Variants in ERCC2 observed in about 807,000 individuals in gnomAD.
The protein encoded by ERCC2 is general transcription and DNA repair factor IIH helicase subunit XPD.
In ERCC2, 90 loss-of-function variants were observed where a neutral mutation model predicts 99.4. The observed-to-expected ratio is 0.91, with a 90% CI of 0.76 to 1.08. The LOEUF (loss-of-function observed/expected upper bound fraction) is 1.08. ERCC2 is among the 50% of genes least tolerant of loss of function. The pLI is 0.00. For synonymous variants in ERCC2, 497 were observed against 432.4 expected, an observed-to-expected ratio of 1.15 and a Z score of -1.85; for missense variants, 993 against 1,038.1, an observed-to-expected ratio of 0.96 and a Z score of 0.60.
At position 45,352,761 on chromosome 19, in the gene ERCC2, C is replaced by T. The variant is rs200665173; in HGVS notation, c.1887G>A (p.Gln629=). The change falls in exon 20 of 23, where the codon CAG becomes CAA. Residue 629 remains glutamine (Q), a synonymous_variant. Transcript: ENST00000391945. ...IMFGVPYVYT[Q]SRILKARLEY... Reference sequence around the variant, plus strand: ...AGCTACTCACCTTGAGAATGCGGCTCTGTGTGTAGACGTAGGGGACGCCAA... The same window carrying T: ...AGCTACTCACCTTGAGAATGCGGCTTTGTGTGTAGACGTAGGGGACGCCAA... 1 of 1,613,814 alleles carries T rather than the reference C, an allele frequency of 6.2e-7. No homozygotes were observed. Among genetic ancestry groups the T allele is most frequent in the African/African-American group, 1.3e-5 (1 of 74,862 alleles).
chr19:45,369,405 A>G (rs1355201229), intron 2 of ERCC2, among the ~76,000 whole-genome samples: 1 of 151,844 alleles, frequency 6.6e-6, no homozygotes, highest in Non-Finnish European at 1.5e-5. Context: ...GGTGGCTCAC[A>G]CCTGTAATCC....
chr19:45,358,318 C>T, intron 12 of ERCC2: 1 of 192,740 alleles, frequency 5.2e-6, no homozygotes, highest in Non-Finnish European at 1.1e-5. Flanking sequence ...CTGCACCTGG[C>T]CTCCCACGAC....
At position 45,350,907 on chromosome 19, in the gene ERCC2, G is replaced by A. The variant is rs909770584; in HGVS notation, c.*722C>T. The A allele has an allele frequency of 1.9e-6, 3 of 1,593,274 alleles. No homozygotes were observed. Among genetic ancestry groups the A allele is most frequent in the East Asian group, 2.2e-5 (1 of 44,746 alleles). ...GCTGGAAAGGTCCCTCGTGGAGGGG[G>A]GCCACTCCTGGATTCACTCATTTCC... is the stretch of plus-strand genomic sequence containing the variant. On this transcript the variant is annotated 3_prime_UTR_variant, in exon 23 of 23. Transcript: ENST00000391945.
In ERCC2 at chr19:45,370,557, T is replaced by C. The variant is rs768089418; in HGVS notation, c.-17A>G. On this transcript the variant is annotated 5_prime_UTR_variant, in exon 1 of 23. Transcript: ENST00000391945. ...TCACTTCATGGCGCCGGCCGGACTGTGCAGCGGGGTCGACCCGCCTCCCTC... is the reference window on the plus strand; with the variant it reads ...TCACTTCATGGCGCCGGCCGGACTGCGCAGCGGGGTCGACCCGCCTCCCTC... 5 of 1,591,082 alleles carry C rather than the reference T, an allele frequency of 3.1e-6. No individual in the cohort carries two copies. The African/African-American group carries it at 5.4e-5, about 17-fold the overall frequency.
At chr19:45,357,807 G>C in intron 12 of ERCC2, 108 bp from the exon 13 acceptor site, 1 of 1,009,546 alleles carries the variant, frequency 9.9e-7, no homozygotes, top group Non-Finnish European at 1.5e-6. Flanking sequence ...TCTCCACCCC[G>C]TACTGCCTGG....
rs750671148 is a variant in ERCC2 at position 45,350,561 on chromosome 19, G to C, written c.*1068C>G. Reference sequence around the variant, plus strand: ...TGGTGACGCAGAACAGGTGAGGATGGGCTGTGCTTCGGCTCCTGGGGTGGG... The same window carrying C: ...TGGTGACGCAGAACAGGTGAGGATGCGCTGTGCTTCGGCTCCTGGGGTGGG... On this transcript the variant is annotated 3_prime_UTR_variant, in exon 23 of 23. Transcript: ENST00000391945. The C allele has an allele frequency of 1.2e-6, 2 of 1,613,948 alleles. No individual in the cohort carries two copies. The highest frequency in any genetic ancestry group is 2.2e-5 in the South Asian group (2 of 91,064).
At position 45,353,064 on chromosome 19, in the gene ERCC2, AAG is replaced by A; in HGVS notation, c.1831+17_1831+18del. 6.2e-7 allele frequency: 1 copy of A among 1,609,500 alleles called. No homozygotes were observed. The highest frequency in any genetic ancestry group is 8.5e-7 in the Non-Finnish European group (1 of 1,177,614). On this transcript the variant is annotated intron_variant, in intron 19 of 22. Transcript: ENST00000391945. ...AGCTCTGGGAAGACACCTGGGGAGG[AAG>A]AGCCCAGTCCACTCACCAAAGTCGA... is the stretch of plus-strand genomic sequence containing the variant.
chr19:45,353,825 A>C (rs952931250), intron 17 of ERCC2, among the ~76,000 whole-genome samples: 2 of 152,162 alleles, frequency 1.3e-5, no homozygotes, highest in African/African-American at 4.8e-5. Context: ...TTGACCCCCT[A>C]CTTCACACCA....
At chr19:45,357,242 G>A (rs777872452) in intron 15 of ERCC2, 28 bp downstream of exon 15, 51 of 1,555,716 alleles carry the variant, frequency 3.3e-5, no homozygotes, top group African/African-American at 5.4e-5. Flanking sequence ...CTCCCCTCCC[G>A]GCCCCAGCCC....
Position 45,370,516 on chromosome 19 carries a change from A to ACC in ERCC2, c.5+18_5+19dup, listed in dbSNP as rs1382999421. ...CCCCCCGCGCCCGCTAGCGAGCGCGACCCCCAGCCCCCTTCTCACTTCATG... is the reference window on the plus strand; with the variant it reads ...CCCCCCGCGCCCGCTAGCGAGCGCGACCCCCCCAGCCCCCTTCTCACTTCATG... On this transcript the variant is annotated intron_variant, in intron 1 of 22. Coordinates refer to ENST00000391945, the MANE Select transcript of ERCC2 (RefSeq NM_000400.4). The ACC allele has an allele frequency of 7.0e-7, 1 of 1,435,192 alleles. No homozygotes were observed. The highest frequency in any genetic ancestry group is 9.3e-7 in the Non-Finnish European group (1 of 1,080,512). 88.9% of individuals were successfully genotyped at this position (1,435,192 alleles called of 1,614,324 possible).
chr19:45,363,683 A>G, intron 11 of ERCC2, 60 bp downstream of exon 11: 5 of 1,494,222 alleles, frequency 3.3e-6, no homozygotes. Flanking sequence ...CGTGGAGGAC[A>G]CGGCTCTGCA....
intron 12 of ERCC2, among the ~76,000 whole-genome samples, chr19:45,360,373 C>A (rs1276675260): frequency 1.6e-5 from 2 of 122,684 alleles, no homozygotes; most frequent in Non-Finnish European, 3.2e-5. Context: ...TAAACCACCA[C>A]GCCCGGCCTT....
At chr19:45,356,408 T>C (rs1034293152) in intron 15 of ERCC2, among the ~76,000 whole-genome samples, 2 of 152,172 alleles carry the variant, frequency 1.3e-5, no homozygotes, top group Admixed American at 6.5e-5. Context: ...TCCCAATCTT[T>C]TACTGCCGAA....
Position 45,368,755 on chromosome 19 carries a change from T to C in ERCC2, c.247-12A>G, listed in dbSNP as rs937206814. The C allele has an allele frequency of 3.1e-6, 5 of 1,604,812 alleles. No homozygotes were observed. The highest frequency in any genetic ancestry group is 1.1e-5 in the South Asian group (1 of 90,460). ...AGCTCTTCAATCACCTACTCCAAAG[T>C]TGGGGGGCAGGGGGAGCTTGTGCTC... is the stretch of plus-strand genomic sequence containing the variant. On this transcript the variant is annotated splice_polypyrimidine_tract_variant and intron_variant, in intron 4 of 22. Transcript: ENST00000391945.
At chr19:45,366,147 A>ATACTT (rs113512533) in intron 5 of ERCC2, among the ~76,000 whole-genome samples, 1 of 150,672 alleles carries the variant, frequency 6.6e-6, no homozygotes, top group African/African-American at 2.4e-5. Flanking sequence ...GCCAAAACTA[A>ATACTT]TATTTTATTT....
chr19:45,353,194 T>G, intron 18 of ERCC2, 39 bp from the exon 19 acceptor site: 1 of 1,612,610 alleles, frequency 6.2e-7, no homozygotes, highest in Non-Finnish European at 8.5e-7. Context: ...AGGTCACTCC[T>G]CAGAGCCACC....
Position 45,365,030 on chromosome 19 carries a change from C to T in ERCC2, c.477+12G>A. On this transcript the variant is annotated intron_variant, in intron 6 of 22. Transcript: ENST00000391945. Reference sequence around the variant, plus strand: ...GTCCTGCCTCCCTCCCTCAGCCCTGCCCTCCAGTAACCTCATAGAATCGGC... The same window carrying T: ...GTCCTGCCTCCCTCCCTCAGCCCTGTCCTCCAGTAACCTCATAGAATCGGC... 1.2e-6 allele frequency: 2 copies of T among 1,612,274 alleles called. No homozygotes were observed. Among genetic ancestry groups the T allele is most frequent in the Non-Finnish European group, 1.7e-6 (2 of 1,178,340 alleles).
chr19:45,357,898 G>A (rs1042799092), intron 12 of ERCC2, 199 bp from the exon 13 acceptor site: 13 of 631,684 alleles, frequency 2.1e-5, no homozygotes, highest in South Asian at 3.5e-5. Flanking sequence ...TGTCCGCTTC[G>A]GGCCCACACC....
chr19:45,357,378 C>T lies in ERCC2; in HGVS notation c.1378-7G>A, dbSNP rs541311242. 1.5e-5 allele frequency: 24 copies of T among 1,612,712 alleles called. No individual in the cohort carries two copies. The highest frequency in any genetic ancestry group is 2.7e-5 in the African/African-American group (2 of 74,884). ...TGTCCAGCGGGGACAGTGTCTGTGG[C>T]GGGACAGTGGGAGGGATCTCAGCAG... is the stretch of plus-strand genomic sequence containing the variant. On this transcript the variant is annotated splice_polypyrimidine_tract_variant and splice_region_variant and intron_variant, in intron 14 of 22. Coordinates refer to ENST00000391945, the MANE Select transcript of ERCC2 (RefSeq NM_000400.4).
Sources: gnomAD v4.1 joint callset for allele counts (sites outside exome capture counted in the v4.1 genomes callset) on GRCh38, gnomAD v4.1.1 for gene constraint, MANE v1.5 for transcripts, NCBI Gene and HGNC (gene_info 2026-07-23, HGNC 2026-07-21) for gene names.